FRS2: variants seen among roughly 807,000 people sequenced by gnomAD.
The protein encoded by FRS2 is FGFR signalling adaptor.
Under a neutral mutation model 43.9 loss-of-function variants are expected in FRS2, and 8 were observed. The observed-to-expected ratio is 0.18, with a 90% CI of 0.11 to 0.33. The LOEUF is 0.33. Among genes scored for constraint, FRS2 ranks in the 10% least tolerant of loss-of-function variants. The probability of loss-of-function intolerance (pLI) is 1.00; values close to 1 mark genes in which losing one functional copy is unlikely to be tolerated. For synonymous variants in FRS2, 219 were observed against 220.3 expected (o/e 0.99, Z 0.05); for missense variants, 534 against 627.6 (o/e 0.85, Z 1.59).
intron 3 of FRS2, among the ~76,000 whole-genome samples, chr12:69,552,534 A>G (rs1343241581): frequency 6.6e-6 from 1 of 152,150 alleles, no homozygotes; most frequent in Non-Finnish European, 1.5e-5. Flanking sequence ...AGTAAAGGCC[A>G]GGTACTTAAA....
chr12:69,495,693 G>T (rs977500252), intron 1 of FRS2, among the ~76,000 whole-genome samples: 1 of 152,148 alleles, frequency 6.6e-6, no homozygotes, highest in African/African-American at 2.4e-5. Flanking sequence ...TTTAAGACTG[G>T]CCTGGGCAAC....
chr12:69,478,916 C>T (rs545647876), intron 1 of FRS2, among the ~76,000 whole-genome samples: 12 of 151,760 alleles, frequency 7.9e-5, no homozygotes, highest in African/African-American at 2.9e-4. Flanking sequence ...TTAATCATTA[C>T]CTTGCTTTTT....
chr12:69,520,743 T>G lies in FRS2; in HGVS notation c.-260-10122T>G, dbSNP rs139489336. On this transcript the variant is annotated intron_variant, in intron 1 of 8. Transcript: ENST00000549921. Reference sequence around the variant, plus strand: ...ATGGTTGTAGTTGTGCGGCCGTATTTTTTTGCTTTATCTTCTGTTCTATTG... The same window carrying G: ...ATGGTTGTAGTTGTGCGGCCGTATTGTTTTGCTTTATCTTCTGTTCTATTG... Among the ~76,000 whole-genome samples the G allele has an allele frequency of 3.3e-3, 501 of 152,226 alleles. 2 individuals carry two copies. Among genetic ancestry groups the G allele is most frequent in the South Asian group, 0.019 (91 of 4,818 alleles).
At chr12:69,557,589 G>T (rs1042102795) in intron 3 of FRS2, among the ~76,000 whole-genome samples, 2 of 98,600 alleles carry the variant, frequency 2.0e-5, no homozygotes, top group African/African-American at 5.2e-5. Flanking sequence ...AGTTCTGAAG[G>T]TTGATTGTGT....
At chr12:69,550,085 T>C (rs758337883) in intron 3 of FRS2, among the ~76,000 whole-genome samples, 1 of 152,246 alleles carries the variant, frequency 6.6e-6, no homozygotes, top group Non-Finnish European at 1.5e-5. Context: ...CATCTCCATT[T>C]GGATGTCTCA....
intron 1 of FRS2, among the ~76,000 whole-genome samples, chr12:69,512,432 GTATGAACTTT>G (rs1211429828): frequency 6.6e-6 from 1 of 152,120 alleles, no homozygotes; most frequent in African/African-American, 2.4e-5. Flanking sequence ...CCTGGATCTT[GTATGAACTTT>G]TTCCTTTTAT....
At chr12:69,479,189 G>A (rs1250724416) in intron 1 of FRS2, among the ~76,000 whole-genome samples, 1 of 151,930 alleles carries the variant, frequency 6.6e-6, no homozygotes, top group Non-Finnish European at 1.5e-5. Context: ...TCCCTAGGGA[G>A]GGTGTGTTGG....
intron 1 of FRS2, among the ~76,000 whole-genome samples, chr12:69,511,700 CCAT>C (rs1874473920): frequency 6.6e-6 from 1 of 152,092 alleles, no homozygotes; most frequent in South Asian, 2.1e-4. Flanking sequence ...GTTAGGGCCC[CCAT>C]TTCTTACTAT....
chr12:69,521,693 C>A (rs1875661351), intron 1 of FRS2, among the ~76,000 whole-genome samples: 1 of 152,116 alleles, frequency 6.6e-6, no homozygotes, highest in African/African-American at 2.4e-5. Flanking sequence ...TGGCTCACTG[C>A]AAGCTCTGCC....
chr12:69,475,903 T>C (rs965198165), intron 1 of FRS2, among the ~76,000 whole-genome samples: 1 of 152,226 alleles, frequency 6.6e-6, no homozygotes, highest in Non-Finnish European at 1.5e-5. Flanking sequence ...TCTAAAATTA[T>C]CTTTTGCCAT....
intron 1 of FRS2, among the ~76,000 whole-genome samples, chr12:69,471,767 CGTAAA>C (rs1459945426): frequency 6.6e-6 from 1 of 152,212 alleles, no homozygotes; most frequent in Admixed American, 6.5e-5. Context: ...GTTTTTGCAG[CGTAAA>C]GTATTCACAA....
At chr12:69,518,236 A>T (rs1230878547) in intron 1 of FRS2, among the ~76,000 whole-genome samples, 1 of 152,186 alleles carries the variant, frequency 6.6e-6, no homozygotes, top group African/African-American at 2.4e-5. Flanking sequence ...CACGTTGGTG[A>T]TTCCTTCTTT....
chr12:69,501,625 G>A (rs1418067285), intron 1 of FRS2, among the ~76,000 whole-genome samples: 2 of 152,180 alleles, frequency 1.3e-5, no homozygotes, highest in African/African-American at 2.4e-5. Context: ...TAGATGTTAA[G>A]TGTTAGATTC....
In FRS2 at chr12:69,579,778, G is replaced by A. The variant is rs537629022; in HGVS notation, c.*4823G>A. 18 of 152,172 alleles carry A rather than the reference G, an allele frequency of 1.2e-4. No individual in the cohort carries two copies. The highest frequency in any genetic ancestry group is 3.4e-4 in the African/African-American group (14 of 41,514). The allele number at this position is 152,172 out of a possible 1,614,324, so 9.4% of individuals were successfully genotyped here. The stretch of plus-strand genomic sequence containing the variant: ...TAAAACCCCAATAAAACGTTTGGTC[G>A]GATATCTACTTAAAAGTTTTATTGT... On this transcript the variant is annotated 3_prime_UTR_variant, in exon 9 of 9. Transcript: ENST00000549921.
intron 1 of FRS2, among the ~76,000 whole-genome samples, chr12:69,505,825 T>G (rs1235775299): frequency 6.6e-6 from 1 of 152,200 alleles, no homozygotes; most frequent in Non-Finnish European, 1.5e-5. Flanking sequence ...GACCTCATTT[T>G]GTGATGATTA....
At chr12:69,522,190 T>TTGTGTGTG (rs201103216) in intron 1 of FRS2, among the ~76,000 whole-genome samples, 2,474 of 134,776 alleles carry the variant, frequency 0.018, 36 homozygotes, top group Admixed American at 0.039. Context: ...GAAGTTTTCT[T>TTGTGTGTG]TGTGTGTGTG....
intron 1 of FRS2, among the ~76,000 whole-genome samples, chr12:69,496,060 TTTTTC>T (rs1872859154): frequency 6.6e-6 from 1 of 152,214 alleles, no homozygotes; most frequent in African/African-American, 2.4e-5. Context: ...AATACTAATT[TTTTTC>T]TTTTAAGTTT....
rs147805975 is a variant in FRS2 at position 69,495,791 on chromosome 12, A to G, written c.-261+25261A>G. Among the ~76,000 whole-genome samples the G allele has an allele frequency of 4.1e-3, 622 of 152,176 alleles. 3 individuals carry two copies. The highest frequency in any genetic ancestry group is 6.5e-3 in the Non-Finnish European group (442 of 68,000). On this transcript the variant is annotated intron_variant, in intron 1 of 8. Coordinates refer to ENST00000549921, the MANE Select transcript of FRS2 (RefSeq NM_001278356.2). ...GTGGTGCACACCTGTAGTCGTAGCT[A>G]CTTGGGTGGTGCACACCTGTAGTCG...
At chr12:69,494,353 C>A (rs937071943) in intron 1 of FRS2, among the ~76,000 whole-genome samples, 1 of 152,106 alleles carries the variant, frequency 6.6e-6, no homozygotes, top group African/African-American at 2.4e-5. Flanking sequence ...CTACTCTCTG[C>A]CTAGGGCTTC....
Sources: allele counts gnomAD v4.1 joint callset (sites outside exome capture counted in the v4.1 genomes callset), GRCh38; gene constraint gnomAD v4.1.1; transcripts MANE v1.5; gene names NCBI Gene and HGNC (gene_info 2026-07-23, HGNC 2026-07-21).